The following POLR2F variants were observed in gnomAD, a reference collection of about 807,000 sequenced individuals.
POLR2F encodes the protein RNA polymerase II, I and III subunit F.
POLR2F carries 12 observed loss-of-function variants against 22.7 expected under a neutral mutation model. That is an observed-to-expected ratio of 0.53 (90% confidence interval 0.34 to 0.86). The LOEUF is 0.86. POLR2F is among the 40% of genes least tolerant of loss of function. The probability of loss-of-function intolerance (pLI) is 0.02; values close to 1 mark genes in which losing one functional copy is unlikely to be tolerated. For missense variants in POLR2F, 126 were observed against 171.5 expected (o/e 0.73, Z 1.48); for synonymous variants, 57 against 66.0 (o/e 0.86, Z 0.66).
rs73886226 is a variant in POLR2F at position 37,999,623 on chromosome 22, G to A, written c.120+13311G>A. Among the ~76,000 whole-genome samples the A allele has an allele frequency of 5.9e-3, 905 of 152,218 alleles. 9 individuals carry two copies. The highest frequency in any genetic ancestry group is 0.02 in the African/African-American group (810 of 41,526). ...AGGGCCTCAGGCTGGCCACCGAGCC[G>A]AAATGAGCCTAGACTCTGTGGGACG... On this transcript the variant is annotated intron_variant, in intron 1 of 2. Coordinates refer to the POLR2F transcript ENST00000333418.
At chr22:38,001,162 C>A (rs2084765947) in intron 1 of POLR2F, among the ~76,000 whole-genome samples, 2 of 152,114 alleles carry the variant, frequency 1.3e-5, no homozygotes, top group African/African-American at 4.8e-5. Context: ...TACTTGCAAG[C>A]TAGTTCCCCT....
At chr22:37,999,756 G>A (rs868583262) in intron 1 of POLR2F, among the ~76,000 whole-genome samples, 15 of 152,166 alleles carry the variant, frequency 9.9e-5, no homozygotes, top group Middle Eastern at 3.2e-3. Context: ...TCTGAGCCCC[G>A]GGGTTTCCTC....
rs1413456164 is a variant in POLR2F, at chr22:37,997,317, C to G, written c.120+11005C>G. On this transcript the variant is annotated intron_variant, in intron 1 of 2. Coordinates refer to the POLR2F transcript ENST00000333418. This position sits in a 1 kb window ranked among gnomAD's most constrained non-coding sequence, Gnocchi z 4.4. ...TTCTCCTCTTTCTGTCCCCAGCCTC[C>G]TCTCTCTGGGAAGCTTTTTAATTTT... 6.6e-6 allele frequency among the ~76,000 whole-genome samples: 1 copy of G among 152,152 alleles called. No individual in the cohort carries two copies. Among genetic ancestry groups the G allele is most frequent in the African/African-American group, 2.4e-5 (1 of 41,428 alleles).
At chr22:38,010,068 A>G (rs955287067) in intron 1 of POLR2F, among the ~76,000 whole-genome samples, 1 of 152,192 alleles carries the variant, frequency 6.6e-6, no homozygotes, top group African/African-American at 2.4e-5. Context: ...AGGTATGTAT[A>G]TTTAACTTTT....
At chr22:38,002,503 G>C (rs916982937) in intron 1 of POLR2F, among the ~76,000 whole-genome samples, 1 of 152,126 alleles carries the variant, frequency 6.6e-6, no homozygotes, top group Non-Finnish European at 1.5e-5. Context: ...CTCCTGAGTA[G>C]CTGGGATTAC....
chr22:38,014,586 G>A lies in POLR2F; in HGVS notation c.121-11283G>A, dbSNP rs12158839. Among the ~76,000 whole-genome samples, 1,449 of 150,178 alleles carry A rather than the reference G, an allele frequency of 9.6e-3. 34 individuals are homozygous for A. The highest frequency in any genetic ancestry group is 0.033 in the African/African-American group (1,358 of 40,796). The stretch of plus-strand genomic sequence containing the variant: ...CGGCTCACTGTAACCACTGCCTCCC[G>A]GGTTCAAGTGATTCTTCTGCCTCAG... On this transcript the variant is annotated intron_variant, in intron 1 of 2. Coordinates refer to the POLR2F transcript ENST00000333418.
chr22:37,962,704 T>C (rs1015156161), intron 3 of POLR2F, among the ~76,000 whole-genome samples: 3 of 152,258 alleles, frequency 2.0e-5, no homozygotes, highest in Non-Finnish European at 4.4e-5. Flanking sequence ...TATTTAATTT[T>C]TTTTGAGACG....
chr22:37,996,180 G>C (rs1367048904), intron 1 of POLR2F, among the ~76,000 whole-genome samples: 1 of 152,222 alleles, frequency 6.6e-6, no homozygotes, highest in Non-Finnish European at 1.5e-5. Flanking sequence ...GGGAAGAGGA[G>C]GAGGGGATGG....
chr22:37,975,574 A>G (rs1932195859), intron 4 of POLR2F, among the ~76,000 whole-genome samples: 1 of 152,156 alleles, frequency 6.6e-6, no homozygotes, highest in East Asian at 1.9e-4. Context: ...GAACATGTCC[A>G]TGGTCTTAAG....
At chr22:38,040,766 A>T in intron 5 of POLR2F, 2 of 458,786 alleles carry the variant, frequency 4.4e-6, no homozygotes, top group East Asian at 7.4e-5. Context: ...GAACGAGGGC[A>T]CTGGCACCTG....
chr22:37,967,687 G>T lies in POLR2F; in HGVS notation c.356G>T (p.Gly119Val), dbSNP rs758780289. The change falls in exon 5 of 5, where the codon GGG becomes GTG. Residue 119 changes from glycine to valine, a missense_variant. Transcript: ENST00000442738. ...YLPDGSYEDW[G>V]VDELIITD ...CCAGATGGGAGCTATGAAGACTGGG[G>T]GGTGGACGAGCTCATCATCACCGAC... The T allele has an allele frequency of 1.2e-6, 2 of 1,613,838 alleles. No homozygotes were observed. Among genetic ancestry groups the T allele is most frequent in the East Asian group, 4.5e-5 (2 of 44,872 alleles).
At position 37,997,685 on chromosome 22, in the gene POLR2F, C is replaced by T. The variant is rs950376191; in HGVS notation, c.120+11373C>T. Among the ~76,000 whole-genome samples the T allele has an allele frequency of 6.6e-6, 1 of 152,084 alleles. No homozygotes were observed. Among genetic ancestry groups the T allele is most frequent in the Non-Finnish European group, 1.5e-5 (1 of 68,006 alleles). On this transcript the variant is annotated intron_variant, in intron 1 of 2. Coordinates refer to the POLR2F transcript ENST00000333418. This position sits in a 1 kb window ranked among gnomAD's most constrained non-coding sequence, Gnocchi z 4.4. ...ACACCCGGCTCTGTCCCCTGCATGC[C>T]CTGGGTCACCCTGCCCCTCCCTCGT...
chr22:37,997,905 G>A lies in POLR2F; in HGVS notation c.120+11593G>A, dbSNP rs187417558. ...CACGACCCTCACAGAGTCATGGACCGCAGGATTTGTACCATCTCCTGGCGC... is the reference window on the plus strand; with the variant it reads ...CACGACCCTCACAGAGTCATGGACCACAGGATTTGTACCATCTCCTGGCGC... On this transcript the variant is annotated intron_variant, in intron 1 of 2. Transcript: ENST00000333418. This position sits in a 1 kb window ranked among gnomAD's most constrained non-coding sequence, Gnocchi z 4.4. Among the ~76,000 whole-genome samples, 30 of 152,316 alleles carry A rather than the reference G, an allele frequency of 2.0e-4. No individual in the cohort carries two copies. The highest frequency in any genetic ancestry group is 6.5e-4 in the African/African-American group (27 of 41,568).
chr22:38,037,618 A>G (rs1601921750), intron 5 of POLR2F, among the ~76,000 whole-genome samples: 1 of 133,900 alleles, frequency 7.5e-6, no homozygotes. Context: ...TTTGAGACGG[A>G]GTCTCCCTCT....
At chr22:37,991,904 TCCGTGGTGCCTGTTA>T (rs1932735226) in intron 1 of POLR2F, among the ~76,000 whole-genome samples, 1 of 152,160 alleles carries the variant, frequency 6.6e-6, no homozygotes, top group African/African-American at 2.4e-5. Flanking sequence ...TCCCACCTCC[TCCGTGGTGCCTGTTA>T]CATAGGAGTG....
chr22:37,998,862 A>AGAGGT (rs2084742524), intron 1 of POLR2F, among the ~76,000 whole-genome samples: 1 of 151,326 alleles, frequency 6.6e-6, no homozygotes, highest in Non-Finnish European at 1.5e-5. Flanking sequence ...AGAGGAGAGG[A>AGAGGT]GAGGTGTGGT....
chr22:37,987,385 C>T (rs1171522398), intron 1 of POLR2F: 3 of 435,208 alleles, frequency 6.9e-6, no homozygotes, highest in South Asian at 4.9e-5. Flanking sequence ...CACTGCCTGG[C>T]AGAGCTGCCT....
Position 37,998,167 on chromosome 22 carries a change from G to T in POLR2F, c.120+11855G>T, listed in dbSNP as rs565490622. 3.3e-5 allele frequency among the ~76,000 whole-genome samples: 5 copies of T among 152,226 alleles called. No homozygotes were observed. The East Asian group carries it at 5.8e-4, about 18-fold the overall frequency. The stretch of plus-strand genomic sequence containing the variant: ...TTTCCTTCCCGCCTCTGGTCGATTG[G>T]GGGTGGGGCAGGGGCAGGGAATGAG... On this transcript the variant is annotated intron_variant, in intron 1 of 2. Coordinates refer to the POLR2F transcript ENST00000333418.
At chr22:37,969,372 C>T, downstream of POLR2F, 1 of 966,522 alleles carries the variant, frequency 1.0e-6, no homozygotes, top group Non-Finnish European at 1.2e-6. Flanking sequence ...CCAGAAACAC[C>T]TGACCCTTTT....
Sources: gnomAD v4.1 joint callset for allele counts (sites outside exome capture counted in the v4.1 genomes callset) on GRCh38, gnomAD v4.1.1 for gene constraint, Gnocchi (gnomAD v3.1) non-coding constraint, MANE v1.5 for transcripts, NCBI Gene and HGNC (gene_info 2026-07-23, HGNC 2026-07-21) for gene names.